Variants in FAM186A observed in about 807,000 individuals in gnomAD.
FAM186A encodes family with sequence similarity 186 member A, also known as protein FAM186A.
FAM186A carries 163 observed loss-of-function variants against 216.8 expected under a neutral mutation model. That is an observed-to-expected ratio of 0.75 (90% CI 0.66 to 0.86). The LOEUF is 0.86. Ranked by LOEUF, FAM186A falls within the 40% of genes least tolerant of loss-of-function variation. The pLI is 0.00. For synonymous variants in FAM186A, 805 were observed against 1,025.3 expected, an observed-to-expected ratio of 0.79 and a Z score of 4.10; for missense variants, 2,184 against 2,746.2, an observed-to-expected ratio of 0.80 and a Z score of 4.58.
rs1565886327 is a variant in FAM186A, at chr12:50,353,928, C to G, written c.2904G>C (p.Lys968Asn). 3 of 1,553,586 alleles carry G rather than the reference C, an allele frequency of 1.9e-6. No individual in the cohort carries two copies. Among genetic ancestry groups the G allele is most frequent in the Non-Finnish European group, 2.6e-6 (3 of 1,148,096 alleles). ...PHRRREKGKE[K>N]QKPERGLEDL... The stretch of plus-strand genomic sequence containing the variant: ...CCTCTAGCCCTCTCTCTGGCTTCTG[C>G]TTTTCCTTCCCTTTCTCCCTTCTCC... Residue 968 changes from lysine to asparagine, a missense_variant, in exon 4 of 8, where the codon AAG (lysine) becomes AAC (asparagine). By Grantham distance (94) the Lys-to-Asn change is moderately conservative. Coordinates refer to ENST00000327337, the MANE Select transcript of FAM186A (RefSeq NM_001145475.3).
At chr12:50,372,486 T>C (rs1002406544) in intron 1 of FAM186A, among the ~76,000 whole-genome samples, 39 of 150,856 alleles carry the variant, frequency 2.6e-4, no homozygotes, top group African/African-American at 7.3e-4. Flanking sequence ...CCCAGCTACT[T>C]GGGAGGCTGA....
chr12:50,351,744 G>C lies in FAM186A; in HGVS notation c.5088C>G (p.Ala1696=), dbSNP rs188728675. The part of the protein sequence containing the change: ...KLGVPLTLDK[A]HTLGSPLTLK... The stretch of plus-strand genomic sequence containing the variant: ...GGGTGAGGGGCGATCCCAAGGTATG[G>C]GCTTTATCTAAGGTGAGAGGAACCC... Residue 1696 remains alanine (A), a synonymous_variant, in exon 4 of 8, where the codon GCC becomes GCG. Coordinates refer to ENST00000327337, the MANE Select transcript of FAM186A (RefSeq NM_001145475.3). The C allele has an allele frequency of 2.0e-5, 31 of 1,551,422 alleles. No homozygotes were observed. The Admixed American group carries it at 6.1e-4, about 30-fold the overall frequency.
rs1943413123 is a variant in FAM186A at position 50,396,365 on chromosome 12, G to A, written c.120C>T (p.Asn40=). The A allele has an allele frequency of 3.9e-6, 6 of 1,551,646 alleles. No individual in the cohort carries two copies. Among genetic ancestry groups the A allele is most frequent in the African/African-American group, 1.4e-5 (1 of 73,164 alleles). ...CCTTTACTGAGAATGGGATCTCAAG[G>A]TTAGGGAGCATCAAAGGACTAAGGA... ...QNILSPLMLP[N]LEIPFSVKDI... The change falls in exon 1 of 8, where the codon AAC becomes AAT. Residue 40 remains asparagine (N), a synonymous_variant. Transcript: ENST00000327337.
rs113525642 is a variant in FAM186A, at chr12:50,338,447, C to T, written c.6504-4344G>A. Among the ~76,000 whole-genome samples, 35 of 152,220 alleles carry T rather than the reference C, an allele frequency of 2.3e-4. No homozygotes were observed. In the Middle Eastern group the frequency reaches 0.014, roughly 59 times the overall value. ...AACTCCAGACCTCAGGTGATTCACC[C>T]GCCTCAGCCTCCCAAAGTGCTGGGA... On this transcript the variant is annotated intron_variant, in intron 4 of 7. Coordinates refer to ENST00000327337, the MANE Select transcript of FAM186A (RefSeq NM_001145475.3).
At chr12:50,328,961 C>G (rs1209632302) in intron 7 of FAM186A, among the ~76,000 whole-genome samples, 1 of 151,340 alleles carries the variant, frequency 6.6e-6, no homozygotes, top group Non-Finnish European at 1.5e-5. Context: ...ACTAAAAATA[C>G]AAAAAAAATT....
chr12:50,331,609 G>GA (rs894012689), intron 6 of FAM186A, 61 bp downstream of exon 6: 360 of 1,437,382 alleles, frequency 2.5e-4, no homozygotes, highest in Admixed American at 4.0e-4. Flanking sequence ...CTTGGGCAGG[G>GA]AAAAAAAAAT....
intron 4 of FAM186A, among the ~76,000 whole-genome samples, chr12:50,341,934 G>A (rs1277893313): frequency 1.3e-5 from 2 of 152,160 alleles, no homozygotes; most frequent in African/African-American, 4.8e-5. Flanking sequence ...AACCTTAAAA[G>A]AACAGCTAAT....
chr12:50,366,197 G>A (rs1489508863), intron 1 of FAM186A: 7 of 572,968 alleles, frequency 1.2e-5, no homozygotes, highest in Non-Finnish European at 1.9e-5. Context: ...CTGATGTTAG[G>A]TGTATTTGCT....
Position 50,396,274 on chromosome 12 carries a change from C to T in FAM186A, c.192+19G>A, listed in dbSNP as rs1420777972. 2.0e-6 allele frequency: 3 copies of T among 1,489,196 alleles called. No homozygotes were observed. Among genetic ancestry groups the T allele is most frequent in the Non-Finnish European group, 2.7e-6 (3 of 1,117,204 alleles). 92.2% of individuals were successfully genotyped at this position (1,489,196 alleles called of 1,614,324 possible). ...TAAAAAGAAAATTGCAGTCTGTAAA[C>T]TTCAGATTCACTACCTACCTCTCTG... On this transcript the variant is annotated intron_variant, in intron 1 of 7. Coordinates refer to ENST00000327337, the MANE Select transcript of FAM186A (RefSeq NM_001145475.3).
chr12:50,385,348 G>A (rs1266108963), intron 1 of FAM186A, among the ~76,000 whole-genome samples: 5 of 149,186 alleles, frequency 3.4e-5, no homozygotes, highest in African/African-American at 1.2e-4. Context: ...AACCTGGGAG[G>A]CAGAGGTTGC....
chr12:50,385,375 G>A (rs1224641778), intron 1 of FAM186A, among the ~76,000 whole-genome samples: 4 of 141,460 alleles, frequency 2.8e-5, no homozygotes, highest in African/African-American at 5.3e-5. Context: ...CTGAGATTAC[G>A]CCATAGCACT....
At chr12:50,350,266 A>G (rs758518513) in intron 4 of FAM186A, 63 bp downstream of exon 4, 227 of 1,367,022 alleles carry the variant, frequency 1.7e-4, no homozygotes, top group Admixed American at 2.1e-4. Flanking sequence ...TTCTGGGACA[A>G]TGACAGAAAA....
At chr12:50,330,873 G>C in intron 6 of FAM186A, 115 bp from the exon 7 acceptor site, 1 of 833,892 alleles carries the variant, frequency 1.2e-6, no homozygotes, top group East Asian at 3.1e-5. Context: ...CCTTCCCCTT[G>C]CACTGACCAG....
At chr12:50,381,914 C>T (rs576803904) in intron 1 of FAM186A, among the ~76,000 whole-genome samples, 4 of 151,910 alleles carry the variant, frequency 2.6e-5, no homozygotes, top group African/African-American at 7.2e-5. Flanking sequence ...GAGCCATGAT[C>T]GTGCCACTGC....
chr12:50,337,890 G>T (rs1435870454), intron 4 of FAM186A, among the ~76,000 whole-genome samples: 1 of 135,818 alleles, frequency 7.4e-6, no homozygotes, highest in Non-Finnish European at 1.6e-5. Flanking sequence ...GCAAGACTTC[G>T]TCTAAAAACA....
chr12:50,353,806 A>G lies in FAM186A; in HGVS notation c.3026T>C (p.Leu1009Ser), dbSNP rs1942939615. The G allele has an allele frequency of 1.3e-6, 2 of 1,551,620 alleles. No individual in the cohort carries two copies. Among genetic ancestry groups the G allele is most frequent in the Non-Finnish European group, 8.7e-7 (1 of 1,146,970 alleles). The stretch of plus-strand genomic sequence containing the variant: ...CAATACACTCTTCCACCTGGGAGAT[A>G]ATGTCATTGGAGTTTGGATGACCAT... The part of the protein sequence containing the change: ...EKMVIQTPMT[L>S]SPRWKSVLKD... The change falls in exon 4 of 8, where the codon TTA becomes TCA. Residue 1009 changes from leucine to serine, a missense_variant. By Grantham distance (145) the Leu-to-Ser change is moderately radical. Transcript: ENST00000327337.
chr12:50,360,678 GAAA>G, intron 3 of FAM186A, 75 bp downstream of exon 3: 4 of 1,085,198 alleles, frequency 3.7e-6, no homozygotes, highest in South Asian at 1.9e-5. Context: ...GAGCGAGACT[GAAA>G]AAAAAAAAAG....
At chr12:50,339,690 T>TA (rs1942743134) in intron 4 of FAM186A, among the ~76,000 whole-genome samples, 1 of 151,804 alleles carries the variant, frequency 6.6e-6, no homozygotes, top group Admixed American at 6.6e-5. Flanking sequence ...TCTCATCTCT[T>TA]ACTACATTTT....
intron 1 of FAM186A, among the ~76,000 whole-genome samples, chr12:50,385,431 A>AG (rs977569749): frequency 1.0e-4 from 15 of 150,688 alleles, no homozygotes; most frequent in African/African-American, 3.7e-4. Context: ...AAAAAAAAAA[A>AG]AAAAGAAAGT....
Sources: allele counts gnomAD v4.1 joint callset (sites outside exome capture counted in the v4.1 genomes callset), GRCh38; gene constraint gnomAD v4.1.1; transcripts MANE v1.5; gene names NCBI Gene and HGNC (gene_info 2026-07-23, HGNC 2026-07-21).